The following PPFIBP2 variants were observed in gnomAD, a reference collection of about 807,000 sequenced individuals.
The protein encoded by PPFIBP2 is PPFIB scaffold protein 2.
A neutral mutation model predicts 118.3 loss-of-function variants in PPFIBP2; 118 were observed. The observed-to-expected ratio is 1.00, with a 90% confidence interval of 0.86 to 1.16. PPFIBP2 has a LOEUF of 1.16. PPFIBP2 is among the 50% of genes most tolerant of loss of function. The pLI, the probability that PPFIBP2 is intolerant of heterozygous loss-of-function variation, is 0.00. For missense variants in PPFIBP2, 1,195 were observed against 1,073.1 expected (o/e 1.11, Z -1.59); for synonymous variants, 414 against 397.4 (o/e 1.04, Z -0.50).
At chr11:7,529,847 C>T (rs375574044) in intron 1 of PPFIBP2, among the ~76,000 whole-genome samples, 30 of 152,284 alleles carry the variant, frequency 2.0e-4, no homozygotes, top group African/African-American at 5.1e-4. Flanking sequence ...TAAGAGTGGC[C>T]GTGTGATCCC....
chr11:7,664,256 T>A, the PPFIBP2 span, among the ~76,000 whole-genome samples: 1 of 152,126 alleles, frequency 6.6e-6, no homozygotes, highest in African/African-American at 2.4e-5. Flanking sequence ...TTTGGAAACA[T>A]GAATCATATT....
At position 7,645,586 on chromosome 11, in the gene PPFIBP2, G is replaced by A. The variant is rs561356155; in HGVS notation, c.1647-2801G>A. 1.1e-4 allele frequency among the ~76,000 whole-genome samples: 17 copies of A among 152,316 alleles called. No homozygotes were observed. The East Asian group carries it at 2.9e-3, about 26-fold the overall frequency. ...AGTGGTGCCCTGGCTGAGGATATGG[G>A]AGATGCTGGCACTGAGAGGAGCTGA... On this transcript the variant is annotated intron_variant, in intron 17 of 23. Transcript: ENST00000299492.
At chr11:7,664,003 G>T in the PPFIBP2 span, among the ~76,000 whole-genome samples, 3 of 152,108 alleles carry the variant, frequency 2.0e-5, no homozygotes, top group South Asian at 4.1e-4. Flanking sequence ...GCCCTGCTTC[G>T]GCTCGCACAC....
rs535344029 is a variant in PPFIBP2, at chr11:7,566,381, G to T, written c.279+614G>T. ...TGCAGCATTTTATTTTTGAGACAGG[G>T]TCTTGCTCTGTCACCCAGGCTGGAG... is the stretch of plus-strand genomic sequence containing the variant. On this transcript the variant is annotated intron_variant, in intron 3 of 23. Transcript: ENST00000299492. Among the ~76,000 whole-genome samples, 20 of 152,208 alleles carry T rather than the reference G, an allele frequency of 1.3e-4. No homozygotes were observed. The South Asian group carries it at 3.9e-3, about 30-fold the overall frequency.
intron 6 of PPFIBP2, among the ~76,000 whole-genome samples, chr11:7,617,939 G>A (rs568626712): frequency 7.2e-5 from 11 of 152,262 alleles, no homozygotes; most frequent in South Asian, 4.2e-4. Context: ...GGTCCTCTGT[G>A]ACTTTGCTGA....
chr11:7,577,495 G>A (rs1352544118), intron 3 of PPFIBP2: 1 of 449,130 alleles, frequency 2.2e-6, no homozygotes, highest in Non-Finnish European at 4.5e-6. Flanking sequence ...CTTGAGGGGG[G>A]AGGGGGCAGA....
Position 7,653,737 on chromosome 11 carries a change from A to G in PPFIBP2, c.*519A>G, listed in dbSNP as rs1854414917. 5 of 1,224,096 alleles carry G rather than the reference A, an allele frequency of 4.1e-6. No homozygotes were observed. The Admixed American group carries it at 9.6e-5, about 23-fold the overall frequency. 75.8% of individuals were successfully genotyped at this position (1,224,096 alleles called of 1,614,324 possible). A position where few individuals can be genotyped will look rare whatever the true frequency, so the allele number is the denominator to read the frequency against. On this transcript the variant is annotated 3_prime_UTR_variant, in exon 24 of 24. Transcript: ENST00000299492. ...GGTGGTCTCTTCTTTCTTGTAATAA[A>G]AGCAATATTTATGCGGAAAGCAAGC...
intron 14 of PPFIBP2, among the ~76,000 whole-genome samples, chr11:7,635,907 T>G (rs890709102): frequency 1.3e-5 from 2 of 152,170 alleles, no homozygotes; most frequent in Admixed American, 6.5e-5. Context: ...CTCAGCACAC[T>G]GAAGAACGTG....
At chr11:7,655,368 A>G, downstream of PPFIBP2, 1 of 1,205,918 alleles carries the variant, frequency 8.3e-7, no homozygotes, top group Non-Finnish European at 1.1e-6. Flanking sequence ...CAGGACTTGC[A>G]TGCCATCTCT....
chr11:7,635,657 G>C, intron 14 of PPFIBP2, 64 bp downstream of exon 14: 1 of 1,515,124 alleles, frequency 6.6e-7, no homozygotes, highest in South Asian at 1.1e-5. Flanking sequence ...TTTTAATTTA[G>C]CAAGTCATAG....
At chr11:7,549,597 T>C (rs1852716291) in intron 2 of PPFIBP2, 58 bp downstream of exon 2, 8 of 1,397,702 alleles carry the variant, frequency 5.7e-6, no homozygotes, top group Non-Finnish European at 6.6e-6. Flanking sequence ...AGGAACTGCT[T>C]CTCTCCTTTT....
rs930180029 is a variant in PPFIBP2 at position 7,597,529 on chromosome 11, T to C, written c.373-31T>C. ...TTCCTGCACCATGTCAAATCCCTGG[T>C]CCTCCACCATTGCTTTATTTCCTGG... On this transcript the variant is annotated intron_variant, in intron 4 of 23. Transcript: ENST00000299492. The C allele has an allele frequency of 1.9e-6, 3 of 1,595,528 alleles. No individual in the cohort carries two copies. In the African/African-American group the frequency reaches 4.0e-5, roughly 21 times the overall value.
In PPFIBP2 at chr11:7,630,960, G is replaced by C; in HGVS notation, c.1000G>C (p.Glu334Gln). Residue 334 changes from glutamate (E) to glutamine (Q), a missense_variant, in exon 11 of 24, where the codon GAA becomes CAA. Physicochemically the swap from Glu to Gln is conservative, Grantham distance 29 (BLOSUM62 2). Transcript: ENST00000299492. ...SERTLSINEEEPEGGFSKWNA... is the reference protein window; with the variant it reads ...SERTLSINEEQPEGGFSKWNA... ...GAGAACTCTCTCAATCAATGAAGAA[G>C]AACCGGAGGGAGGTTTCAGCAAGTG... is the stretch of plus-strand genomic sequence containing the variant. 1 of 1,614,120 alleles carries C rather than the reference G, an allele frequency of 6.2e-7. No homozygotes were observed. Among genetic ancestry groups the C allele is most frequent in the Non-Finnish European group, 8.5e-7 (1 of 1,179,984 alleles).
intron 16 of PPFIBP2, 154 bp downstream of exon 16, chr11:7,641,774 G>T (rs1038934044): frequency 3.3e-5 from 27 of 820,374 alleles, no homozygotes; most frequent in Non-Finnish European, 4.8e-5. Flanking sequence ...ATATTTTCCA[G>T]GGCCAAGAGA....
chr11:7,598,276 G>A, intron 5 of PPFIBP2: 1 of 322,534 alleles, frequency 3.1e-6, no homozygotes. Flanking sequence ...GATTTTGTAT[G>A]CTTAATATTA....
intron 5 of PPFIBP2, 153 bp downstream of exon 5, chr11:7,597,826 G>A (rs895755827): frequency 3.2e-6 from 2 of 630,694 alleles, no homozygotes; most frequent in African/African-American, 1.8e-5. Flanking sequence ...TATACAGCAG[G>A]TGAAACCAAC....
At chr11:7,605,657 G>C (rs1565043591) in intron 5 of PPFIBP2, 1 of 1,213,366 alleles carries the variant, frequency 8.2e-7, no homozygotes, top group Non-Finnish European at 1.0e-6. Context: ...TCAAGGTACA[G>C]AGTTGATAAG....
At chr11:7,661,897 T>A (rs1246206963), downstream of PPFIBP2, among the ~76,000 whole-genome samples, 1 of 125,916 alleles carries the variant, frequency 7.9e-6, no homozygotes, top group Non-Finnish European at 1.8e-5. Context: ...TTTACCATTA[T>A]GTAATGGCCT....
At chr11:7,626,938 C>T (rs577601978) in intron 8 of PPFIBP2, among the ~76,000 whole-genome samples, 2 of 152,318 alleles carry the variant, frequency 1.3e-5, no homozygotes, top group Non-Finnish European at 1.5e-5. Flanking sequence ...CGTCCCTCTC[C>T]GAGCTTTTCT....
Sources: allele counts gnomAD v4.1 joint callset (sites outside exome capture counted in the v4.1 genomes callset), GRCh38; gene constraint gnomAD v4.1.1; transcripts MANE v1.5; gene names NCBI Gene and HGNC (gene_info 2026-07-23, HGNC 2026-07-21).